The following RNLS variants were observed in gnomAD, a reference collection of about 807,000 sequenced individuals.
RNLS encodes the protein renalase.
RNLS carries 39 observed loss-of-function variants against 39.8 expected under a neutral mutation model. The ratio of observed to expected loss-of-function variants is 0.98; its 90% CI spans 0.76 to 1.28. The LOEUF is 1.28. Among genes scored for constraint, RNLS ranks in the 50% most tolerant of loss-of-function variants. The probability of loss-of-function intolerance (pLI) is 0.00; values close to 1 mark genes in which losing one functional copy is unlikely to be tolerated. For missense variants in RNLS, 410 were observed against 413.3 expected (o/e 0.99, Z 0.07); for synonymous variants, 147 against 150.7 (o/e 0.98, Z 0.18).
At chr10:88,501,429 C>A (rs1034342694) in intron 4 of RNLS, among the ~76,000 whole-genome samples, 1 of 152,128 alleles carries the variant, frequency 6.6e-6, no homozygotes, top group Admixed American at 6.6e-5. Flanking sequence ...GAGTAGTATA[C>A]AATCTTATTC....
At chr10:88,289,726 T>A (rs968388112) in intron 6 of RNLS, among the ~76,000 whole-genome samples, 1 of 152,122 alleles carries the variant, frequency 6.6e-6, no homozygotes, top group Non-Finnish European at 1.5e-5. Flanking sequence ...AAAAAAGATA[T>A]TGTACACAGT....
At chr10:88,566,616 T>C (rs2134415192) in intron 4 of RNLS, among the ~76,000 whole-genome samples, 1 of 152,048 alleles carries the variant, frequency 6.6e-6, no homozygotes, top group South Asian at 2.1e-4. Context: ...AAACAATACC[T>C]CAAGGAAGGG....
intron 5 of RNLS, among the ~76,000 whole-genome samples, chr10:88,329,480 G>A (rs979064254): frequency 6.6e-6 from 1 of 151,486 alleles, no homozygotes; most frequent in Non-Finnish European, 1.5e-5. Context: ...AAGATTTGAG[G>A]TTTTTTTTGG....
At chr10:88,258,997 T>C in the RNLS span, 3 of 152,230 alleles carry the variant, frequency 2.0e-5, no homozygotes, top group East Asian at 3.8e-4. Flanking sequence ...TTCCCTCACA[T>C]TCACTTTGTG....
At chr10:88,341,343 A>G (rs1345886048) in intron 5 of RNLS, among the ~76,000 whole-genome samples, 1 of 151,492 alleles carries the variant, frequency 6.6e-6, no homozygotes, top group East Asian at 1.9e-4. Flanking sequence ...AAAAAAAAAA[A>G]AAAAAAAGAA....
intron 4 of RNLS, among the ~76,000 whole-genome samples, chr10:88,532,297 C>T (rs1200440847): frequency 6.6e-6 from 1 of 151,944 alleles, no homozygotes; most frequent in Non-Finnish European, 1.5e-5. Flanking sequence ...TAAGTTATCA[C>T]AGAAGATTTT....
chr10:88,244,566 A>G, the RNLS span, among the ~76,000 whole-genome samples: 1 of 152,192 alleles, frequency 6.6e-6, no homozygotes, highest in Non-Finnish European at 1.5e-5. Flanking sequence ...GAGGTGTAAA[A>G]CAGCTACAAA....
chr10:88,331,986 T>TCCTCTTTCTTG (rs1490815250), intron 5 of RNLS, among the ~76,000 whole-genome samples: 94 of 152,300 alleles, frequency 6.2e-4, no homozygotes, highest in African/African-American at 2.1e-3. Flanking sequence ...TGTCTCTCTC[T>TCCTCTTTCTTG]CCTCTTTCTT....
intron 4 of RNLS, among the ~76,000 whole-genome samples, chr10:88,565,747 C>CTTTTTTTTTT (rs34655092): frequency 4.1e-5 from 4 of 98,060 alleles, no homozygotes; most frequent in African/African-American, 4.1e-5. Context: ...CGTTATCTTT[C>CTTTTTTTTTT]TTTTTTTTTT....
the RNLS span, among the ~76,000 whole-genome samples, chr10:88,268,481 G>C: frequency 1.3e-5 from 2 of 152,030 alleles, no homozygotes; most frequent in African/African-American, 4.8e-5. Context: ...AGGTGGCTGT[G>C]GGGGGGTTGA....
Position 88,285,013 on chromosome 10 carries a change from G to T in RNLS, c.*341C>A. On this transcript the variant is annotated 3_prime_UTR_variant, in exon 7 of 7. Transcript: ENST00000331772. Reference sequence around the variant, plus strand: ...TATTCAGAATTGAAATTTTCATAAGGATAATCAAGTTTTTGGCACACAAAC... The same window carrying T: ...TATTCAGAATTGAAATTTTCATAAGTATAATCAAGTTTTTGGCACACAAAC... 2 of 1,003,924 alleles carry T rather than the reference G, an allele frequency of 2.0e-6. No homozygotes were observed. Among genetic ancestry groups the T allele is most frequent in the Non-Finnish European group, 2.4e-6 (2 of 842,482 alleles). The allele number at this position is 1,003,924 out of a possible 1,614,324, so 62.2% of individuals were successfully genotyped here.
chr10:88,575,885 A>G (rs1177220459), intron 3 of RNLS, among the ~76,000 whole-genome samples: 2 of 151,852 alleles, frequency 1.3e-5, no homozygotes, highest in African/African-American at 2.4e-5. Flanking sequence ...ATCTTTTACC[A>G]TTTTCTCCCT....
At chr10:88,423,811 C>G (rs1368304567) in intron 4 of RNLS, among the ~76,000 whole-genome samples, 4 of 152,186 alleles carry the variant, frequency 2.6e-5, no homozygotes, top group African/African-American at 9.6e-5. Context: ...TATTGCAGTG[C>G]TATCTACAGC....
At chr10:88,322,205 A>G (rs1846234576) in intron 5 of RNLS, among the ~76,000 whole-genome samples, 1 of 152,186 alleles carries the variant, frequency 6.6e-6, no homozygotes, top group African/African-American at 2.4e-5. Context: ...CAATAAATGC[A>G]AAAAATGCAT....
At chr10:88,465,163 A>G (rs1843134063) in intron 4 of RNLS, among the ~76,000 whole-genome samples, 1 of 152,142 alleles carries the variant, frequency 6.6e-6, no homozygotes, top group Non-Finnish European at 1.5e-5. Context: ...TATTGCTACT[A>G]GTAGGCAATG....
At chr10:88,429,191 C>T (rs1444844655) in intron 4 of RNLS, among the ~76,000 whole-genome samples, 1 of 151,864 alleles carries the variant, frequency 6.6e-6, no homozygotes, top group Non-Finnish European at 1.5e-5. Context: ...CACTTTCTAG[C>T]AGTGGAATCT....
chr10:88,499,620 G>A (rs1420847969), intron 4 of RNLS, among the ~76,000 whole-genome samples: 1 of 152,082 alleles, frequency 6.6e-6, no homozygotes, highest in Non-Finnish European at 1.5e-5. Flanking sequence ...TTTCTCAGCT[G>A]TTCTTTTAAT....
At chr10:88,337,698 T>C (rs1015722651) in intron 5 of RNLS, among the ~76,000 whole-genome samples, 2 of 152,238 alleles carry the variant, frequency 1.3e-5, no homozygotes, top group African/African-American at 4.8e-5. Flanking sequence ...TGATCGAATC[T>C]ATCTAGAGTT....
Position 88,432,548 on chromosome 10 carries a change from C to CT in RNLS, c.527-69824dup, listed in dbSNP as rs530352662. 1.8e-3 allele frequency among the ~76,000 whole-genome samples: 273 copies of CT among 151,738 alleles called. 3 individuals carry two copies. The highest frequency in any genetic ancestry group is 6.2e-3 in the African/African-American group (256 of 41,446). On this transcript the variant is annotated intron_variant, in intron 4 of 6. Transcript: ENST00000331772. ...ATATATTCCTTGTTCCATCTTTTCT[C>CT]TTTTTTTTCTGTCTTCTTCTGGATT...
Sources: allele counts gnomAD v4.1 joint callset (sites outside exome capture counted in the v4.1 genomes callset), GRCh38; gene constraint gnomAD v4.1.1; transcripts MANE v1.5; gene names NCBI Gene and HGNC (gene_info 2026-07-23, HGNC 2026-07-21).